FHIT: variants seen among roughly 807,000 people sequenced by gnomAD.
FHIT encodes bis(5'-adenosyl)-triphosphatase.
In FHIT, 19 loss-of-function variants were observed where a neutral mutation model predicts 17.9. The observed-to-expected ratio is 1.06, with a 90% CI of 0.74 to 1.56. The LOEUF (loss-of-function observed/expected upper bound fraction) is 1.56, where lower values mean the gene tolerates loss of function less well. FHIT is among the 40% of genes most tolerant of loss of function. The pLI is 0.00. For synonymous variants in FHIT, 81 were observed against 69.7 expected (o/e 1.16, Z -0.81); for missense variants, 248 against 189.2 (o/e 1.31, Z -1.82).
intron 3 of FHIT, among the ~76,000 whole-genome samples, chr3:60,827,104 T>C (rs1325923910): frequency 6.6e-6 from 1 of 152,196 alleles, no homozygotes; most frequent in Non-Finnish European, 1.5e-5. Context: ...AGGTCATTCT[T>C]GAAAGGGGCT....
chr3:60,472,501 T>G (rs2033139754), intron 5 of FHIT, among the ~76,000 whole-genome samples: 1 of 151,836 alleles, frequency 6.6e-6, no homozygotes, highest in African/African-American at 2.4e-5. Context: ...ACCGAGTAGC[T>G]GGGACTACAG....
At chr3:60,303,625 A>T (rs552820445) in intron 5 of FHIT, among the ~76,000 whole-genome samples, 1 of 152,114 alleles carries the variant, frequency 6.6e-6, no homozygotes, top group African/African-American at 2.4e-5. Context: ...CCCATATGTG[A>T]TTTTCTATGC....
At chr3:61,238,694 C>T (rs1028417394) in intron 1 of FHIT, among the ~76,000 whole-genome samples, 1 of 152,174 alleles carries the variant, frequency 6.6e-6, no homozygotes, top group Admixed American at 6.5e-5. Flanking sequence ...CTAGATGAAT[C>T]CAACCAGCTT....
intron 5 of FHIT, among the ~76,000 whole-genome samples, chr3:60,171,840 G>A (rs574817955): frequency 6.6e-6 from 1 of 150,546 alleles, no homozygotes; most frequent in Non-Finnish European, 1.5e-5. Flanking sequence ...CAAATAGTTA[G>A]GATTATAACC....
chr3:60,040,395 C>T (rs531792823), intron 5 of FHIT, among the ~76,000 whole-genome samples: 12 of 152,242 alleles, frequency 7.9e-5, no homozygotes, highest in African/African-American at 1.9e-4. Flanking sequence ...CCACCCACCT[C>T]GGCCTCCCAA....
At chr3:61,180,352 C>T (rs1188501634) in intron 2 of FHIT, among the ~76,000 whole-genome samples, 2 of 152,120 alleles carry the variant, frequency 1.3e-5, no homozygotes, top group Non-Finnish European at 2.9e-5. Context: ...AAAATGTAAA[C>T]AATTGATATG....
chr3:61,216,492 C>A (rs2039680156), intron 1 of FHIT, among the ~76,000 whole-genome samples: 2 of 152,144 alleles, frequency 1.3e-5, no homozygotes, highest in African/African-American at 4.8e-5. Flanking sequence ...AGTCAGGAAA[C>A]AACAGGTGCT....
intron 5 of FHIT, among the ~76,000 whole-genome samples, chr3:60,238,999 G>A (rs1315391326): frequency 6.6e-6 from 1 of 152,054 alleles, no homozygotes; most frequent in African/African-American, 2.4e-5. Context: ...AAATATTTAG[G>A]AACATCCCTG....
intron 4 of FHIT, among the ~76,000 whole-genome samples, chr3:60,676,924 G>C (rs1239763562): frequency 2.0e-5 from 3 of 152,134 alleles, no homozygotes; most frequent in African/African-American, 7.2e-5. Flanking sequence ...ACCTAGGCTG[G>C]AATGCCGTGG....
At chr3:59,922,316 A>G in intron 8 of FHIT, 30 bp downstream of exon 8, 1 of 1,569,708 alleles carries the variant, frequency 6.4e-7, no homozygotes, top group Non-Finnish European at 8.8e-7. Flanking sequence ...CCCCGTGATC[A>G]AACAATAAGA....
intron 4 of FHIT, among the ~76,000 whole-genome samples, chr3:60,643,452 C>T: frequency 6.6e-6 from 1 of 152,156 alleles, no homozygotes; most frequent in East Asian, 1.9e-4. Flanking sequence ...CAAAGCAAGA[C>T]TAAGCAAAAA....
At chr3:60,630,402 G>A (rs1396742318) in intron 4 of FHIT, among the ~76,000 whole-genome samples, 4 of 152,070 alleles carry the variant, frequency 2.6e-5, no homozygotes, top group Non-Finnish European at 4.4e-5. Context: ...TGATCACAAA[G>A]GATACATGTT....
chr3:60,477,978 G>A (rs2033429901), intron 5 of FHIT, among the ~76,000 whole-genome samples: 2 of 152,176 alleles, frequency 1.3e-5, no homozygotes, highest in African/African-American at 4.8e-5. Flanking sequence ...AGAGAAGCGT[G>A]GAGATTCTTT....
At chr3:61,162,776 T>C (rs1297879138) in intron 2 of FHIT, among the ~76,000 whole-genome samples, 1 of 152,210 alleles carries the variant, frequency 6.6e-6, no homozygotes, top group East Asian at 1.9e-4. Flanking sequence ...AATTGTGTTC[T>C]GTTCTCTGGA....
intron 5 of FHIT, among the ~76,000 whole-genome samples, chr3:60,453,963 T>C (rs539196520): frequency 5.9e-5 from 9 of 151,908 alleles, no homozygotes; most frequent in Non-Finnish European, 8.8e-5. Flanking sequence ...TCAATCTCTA[T>C]GAGAAAAAAA....
intron 5 of FHIT, among the ~76,000 whole-genome samples, chr3:60,478,479 T>G (rs2033453270): frequency 6.6e-6 from 1 of 152,206 alleles, no homozygotes; most frequent in Non-Finnish European, 1.5e-5. Context: ...ATGTCATTTC[T>G]TAGTGCCTCT....
At chr3:60,097,871 C>T (rs1449468088) in intron 5 of FHIT, among the ~76,000 whole-genome samples, 1 of 124,416 alleles carries the variant, frequency 8.0e-6, no homozygotes, top group African/African-American at 3.0e-5. Flanking sequence ...CCCCGCCCCC[C>T]ACCCCACAAC....
At chr3:60,898,092 T>C (rs898973391) in intron 3 of FHIT, among the ~76,000 whole-genome samples, 5 of 152,214 alleles carry the variant, frequency 3.3e-5, no homozygotes, top group Admixed American at 6.5e-5. Context: ...AAAAACTCTC[T>C]TCTTTTTATA....
At chr3:60,171,015 C>T (rs758375471) in intron 5 of FHIT, among the ~76,000 whole-genome samples, 1 of 152,018 alleles carries the variant, frequency 6.6e-6, no homozygotes, top group African/African-American at 2.4e-5. Flanking sequence ...AAGAAAAGGC[C>T]CAACTTTCTA....
Sources: allele counts gnomAD v4.1 joint callset (sites outside exome capture counted in the v4.1 genomes callset), GRCh38; gene constraint gnomAD v4.1.1; transcripts MANE v1.5; gene names NCBI Gene and HGNC (gene_info 2026-07-23, HGNC 2026-07-21).